Variants in HNRNPDL observed in about 807,000 individuals in gnomAD.
HNRNPDL encodes heterogeneous nuclear ribonucleoprotein D like, also known as heterogeneous nuclear ribonucleoprotein D-like.
In HNRNPDL, 18 loss-of-function variants were observed where a neutral mutation model predicts 48.0. The ratio of observed to expected loss-of-function variants is 0.38; its 90% CI spans 0.26 to 0.56. HNRNPDL has a LOEUF of 0.56. HNRNPDL is among the 20% of genes least tolerant of loss of function. The probability of loss-of-function intolerance (pLI) is 0.77; values close to 1 mark genes in which losing one functional copy is unlikely to be tolerated. For missense variants in HNRNPDL, 553 were observed against 540.7 expected (o/e 1.02, Z -0.23); for synonymous variants, 306 against 207.3 (o/e 1.48, Z -4.09).
At chr4:82,427,060 AAGCTGAAC>A in intron 5 of HNRNPDL, 122 bp downstream of exon 5, 1 of 761,530 alleles carries the variant, frequency 1.3e-6, no homozygotes, top group Non-Finnish European at 2.3e-6. Context: ...AACCTCCACT[AAGCTGAAC>A]AGTCCCCCCT....
At position 82,429,350 on chromosome 4, in the gene HNRNPDL, G is replaced by T. The variant is rs376898265; in HGVS notation, c.341C>A (p.Ala114Asp). 3.1e-6 allele frequency: 5 copies of T among 1,613,678 alleles called. No individual in the cohort carries two copies. In the East Asian group the frequency reaches 8.9e-5, roughly 29 times the overall value. ...ATCCTCCATAGTGACGGAGCTGTCG[G>T]CAGGGGGGTGCTGGCGCGCAGTCCG... Reference protein sequence around the residue: ...ATRTARQHPPADSSVTMEDMN... With the variant: ...ATRTARQHPPDDSSVTMEDMN... Residue 114 changes from alanine (A) to aspartate (D), a missense_variant, in exon 1 of 8, where the codon GCC becomes GAC. Coordinates refer to ENST00000295470, the MANE Select transcript of HNRNPDL (RefSeq NM_031372.4).
rs991875367 is a variant in HNRNPDL at position 82,429,929 on chromosome 4, C to T, written c.-239G>A. The T allele has an allele frequency of 2.0e-5, 7 of 343,420 alleles. No individual in the cohort carries two copies. The highest frequency in any genetic ancestry group is 7.3e-4 in the Middle Eastern group (1 of 1,376). 21.3% of individuals were successfully genotyped at this position (343,420 alleles called of 1,614,324 possible). On this transcript the variant is annotated 5_prime_UTR_variant, in exon 1 of 8. Transcript: ENST00000295470. ...TTTTTCTGCCCTCGGTTCGCCAGTG[C>T]GGAGCCGCTGCGGCGGCCGCTGCTA...
In HNRNPDL at chr4:82,429,427, G is replaced by A; in HGVS notation, c.264C>T (p.Arg88=). 4 of 1,612,624 alleles carry A rather than the reference G, an allele frequency of 2.5e-6. No homozygotes were observed. Among genetic ancestry groups the A allele is most frequent in the Non-Finnish European group, 3.4e-6 (4 of 1,179,520 alleles). The change falls in exon 1 of 8, where the codon CGC becomes CGT. Residue 88 remains arginine, a synonymous_variant. Coordinates refer to ENST00000295470, the MANE Select transcript of HNRNPDL (RefSeq NM_031372.4). The part of the protein sequence containing the change: ...GRRRRPDLFR[R]HFKSSSIQRS... Reference sequence around the variant, plus strand: ...GTTGTATGGAGCTGGATTTAAAATGGCGGCGGAAGAGATCCGGGCGCCGCC... The same window carrying A: ...GTTGTATGGAGCTGGATTTAAAATGACGGCGGAAGAGATCCGGGCGCCGCC...
chr4:82,428,457 A>G lies in HNRNPDL; in HGVS notation c.444-11T>C. On this transcript the variant is annotated splice_polypyrimidine_tract_variant and intron_variant, in intron 1 of 7. Transcript: ENST00000295470. Reference sequence around the variant, plus strand: ...CCAATAAACATTTTACTAGAAATAAAAGTGTTTTTAAAAAAAATTAACAAT... The same window carrying G: ...CCAATAAACATTTTACTAGAAATAAGAGTGTTTTTAAAAAAAATTAACAAT... 1 of 1,571,654 alleles carries G rather than the reference A, an allele frequency of 6.4e-7. No homozygotes were observed. The highest frequency in any genetic ancestry group is 8.7e-7 in the Non-Finnish European group (1 of 1,155,150).
intron 2 of HNRNPDL, 47 bp downstream of exon 2, chr4:82,428,231 T>C (rs377138609): frequency 7.5e-5 from 121 of 1,606,908 alleles, no homozygotes; most frequent in Non-Finnish European, 1.0e-4. Context: ...CCCAGAAAAA[T>C]TTGCAAAACA....
rs564594694 is a variant in HNRNPDL, at chr4:82,427,834, T to C, written c.774+184A>G. Among the ~76,000 whole-genome samples, 49 of 152,372 alleles carry C rather than the reference T, an allele frequency of 3.2e-4. 1 individual carries two copies. Among genetic ancestry groups the C allele is most frequent in the African/African-American group, 1.0e-3 (43 of 41,590 alleles). On this transcript the variant is annotated intron_variant, in intron 3 of 7. Coordinates refer to ENST00000295470, the MANE Select transcript of HNRNPDL (RefSeq NM_031372.4). Reference sequence around the variant, plus strand: ...CACATTTAAGTGCCCATGTTTTAGCTAAATTAGATAGTTGGGTTTCCATCA... The same window carrying C: ...CACATTTAAGTGCCCATGTTTTAGCCAAATTAGATAGTTGGGTTTCCATCA...
At chr4:82,426,868 G>A (rs1721432575) in intron 5 of HNRNPDL, among the ~76,000 whole-genome samples, 1 of 152,112 alleles carries the variant, frequency 6.6e-6, no homozygotes, top group Admixed American at 6.5e-5. Context: ...TTCCATTAAA[G>A]CCGAAGACAG....
rs1210768968 is a variant in HNRNPDL at position 82,426,597 on chromosome 4, T to C, written c.1058A>G (p.Tyr353Cys). ...GTAATTTCCATATCCTTGATCATAA[T>C]AGTTATTAAATCCTTGGTTCCAGTT... ...GQNWNQGFNN[Y>C]YDQGYGNYNS... The change falls in exon 6 of 8, where the codon TAT becomes TGT. Residue 353 changes from tyrosine (Y) to cysteine (C), a missense_variant. By Grantham distance (194) the Tyr-to-Cys change is radical (BLOSUM62 -2). Around this residue, in one of 4 missense-constraint regions of HNRNPDL, gnomAD observed 174 missense variants for 204.6 expected, o/e 0.85. Transcript: ENST00000295470. 5.0e-6 allele frequency: 8 copies of C among 1,613,892 alleles called. No homozygotes were observed. Among genetic ancestry groups the C allele is most frequent in the Admixed American group, 3.3e-5 (2 of 60,028 alleles).
Position 82,429,735 on chromosome 4 carries a change from G to A in HNRNPDL, c.-45C>T, listed in dbSNP as rs1578087493. 3.9e-6 allele frequency: 5 copies of A among 1,293,262 alleles called. No individual in the cohort carries two copies. The highest frequency in any genetic ancestry group is 6.2e-5 in the East Asian group (2 of 32,372). The allele number at this position is 1,293,262 out of a possible 1,614,324, so 80.1% of individuals were successfully genotyped here. A position where few individuals can be genotyped will look rare whatever the true frequency, so the allele number is the denominator to read the frequency against. ...AGAGAGGCCACGCGTGAGGGGACGC[G>A]GGCTTGGGAGAAGAGAAGAATCAGA... is the stretch of plus-strand genomic sequence containing the variant. On this transcript the variant is annotated 5_prime_UTR_variant, in exon 1 of 8. Transcript: ENST00000295470.
intron 3 of HNRNPDL, 91 bp downstream of exon 3, chr4:82,427,927 A>G (rs1040931067): frequency 8.0e-7 from 1 of 1,250,274 alleles, no homozygotes; most frequent in African/African-American, 1.5e-5. Flanking sequence ...CTACTCTTAC[A>G]GGAAACATGA....
intron 1 of HNRNPDL, among the ~76,000 whole-genome samples, chr4:82,428,959 C>A (rs964412442): frequency 5.3e-5 from 8 of 152,342 alleles, no homozygotes; most frequent in Admixed American, 2.0e-4. Context: ...GCGTGCAGCG[C>A]TGGGAGGCCG....
Position 82,423,704 on chromosome 4 carries a change from T to C in HNRNPDL, c.*1202A>G, listed in dbSNP as rs571977411. The C allele has an allele frequency of 3.3e-5, 5 of 152,344 alleles. No homozygotes were observed. The South Asian group carries it at 1.0e-3, about 32-fold the overall frequency. 9.4% of individuals were successfully genotyped at this position (152,344 alleles called of 1,614,324 possible). A position where few individuals can be genotyped will look rare whatever the true frequency, so the allele number is the denominator to read the frequency against. Reference sequence around the variant, plus strand: ...ATGCAAAATCCAAAGCTTTTTATTATTCCAGGTCCTCTGAAACCTGGATAT... The same window carrying C: ...ATGCAAAATCCAAAGCTTTTTATTACTCCAGGTCCTCTGAAACCTGGATAT... On this transcript the variant is annotated 3_prime_UTR_variant, in exon 8 of 8. Coordinates refer to ENST00000295470, the MANE Select transcript of HNRNPDL (RefSeq NM_031372.4).
intron 1 of HNRNPDL, among the ~76,000 whole-genome samples, 181 bp downstream of exon 1, chr4:82,429,067 C>T (rs1194175433): frequency 6.6e-6 from 1 of 152,134 alleles, no homozygotes; most frequent in Non-Finnish European, 1.5e-5. Flanking sequence ...CCACTCTTCC[C>T]GGGTCTCTCC....
At position 82,427,622 on chromosome 4, in the gene HNRNPDL, G is replaced by A. The variant is rs1395093454; in HGVS notation, c.775-58C>T. The A allele has an allele frequency of 2.6e-6, 4 of 1,537,510 alleles. No homozygotes were observed. The Admixed American group carries it at 7.5e-5, about 29-fold the overall frequency. On this transcript the variant is annotated intron_variant, in intron 3 of 7. Coordinates refer to ENST00000295470, the MANE Select transcript of HNRNPDL (RefSeq NM_031372.4). ...ATAATTGTAAAACGTTACAGTGTCAGAATGCCAAAGGCCTTTTCAGGCTTC... is the reference window on the plus strand; with the variant it reads ...ATAATTGTAAAACGTTACAGTGTCAAAATGCCAAAGGCCTTTTCAGGCTTC...
Position 82,424,636 on chromosome 4 carries a change from G to A in HNRNPDL, c.*270C>T, listed in dbSNP as rs1245335089. On this transcript the variant is annotated 3_prime_UTR_variant, in exon 8 of 8. Transcript: ENST00000295470. Reference sequence around the variant, plus strand: ...CTGACGCAGAAAAGCAATCACATAAGGAAGCATTTATTTGAGGTTTAACAT... The same window carrying A: ...CTGACGCAGAAAAGCAATCACATAAAGAAGCATTTATTTGAGGTTTAACAT... 3 of 152,508 alleles carry A rather than the reference G, an allele frequency of 2.0e-5. No individual in the cohort carries two copies. The highest frequency in any genetic ancestry group is 7.2e-5 in the African/African-American group (3 of 41,396). 9.4% of individuals were successfully genotyped at this position (152,508 alleles called of 1,614,324 possible).
rs1195654159 is a variant in HNRNPDL, at chr4:82,429,588, G to C, written c.103C>G (p.Pro35Ala). 2 of 1,378,926 alleles carry C rather than the reference G, an allele frequency of 1.5e-6. No individual in the cohort carries two copies. The highest frequency in any genetic ancestry group is 3.0e-5 in the East Asian group (1 of 33,230). 85.4% of individuals were successfully genotyped at this position (1,378,926 alleles called of 1,614,324 possible). A position where few individuals can be genotyped will look rare whatever the true frequency, so the allele number is the denominator to read the frequency against. Residue 35 changes from proline (P) to alanine (A), a missense_variant, in exon 1 of 8, where the codon CCG becomes GCG. Coordinates refer to ENST00000295470, the MANE Select transcript of HNRNPDL (RefSeq NM_031372.4). ...GGGAGGAGCGGGGCTAGCTGCCGCG[G>C]CGGCCGCGGCCGCCAATGGGAGAGG... ...RSLSHWRPRPPRQLAPLLPSL... is the reference protein window; with the variant it reads ...RSLSHWRPRPARQLAPLLPSL...
At position 82,423,476 on chromosome 4, in the gene HNRNPDL, G is replaced by C. The variant is rs1022724526; in HGVS notation, c.*1430C>G. On this transcript the variant is annotated 3_prime_UTR_variant, in exon 8 of 8. Transcript: ENST00000295470. ...AAAAAGAGGCCAAGAGCATTATAAT[G>C]TGATAGCCCAGGAAGTAGAATCATT... 6.6e-6 allele frequency: 1 copy of C among 152,010 alleles called. No individual in the cohort carries two copies. Among genetic ancestry groups the C allele is most frequent in the African/African-American group, 2.4e-5 (1 of 41,348 alleles). The allele number at this position is 152,010 out of a possible 1,614,324, so 9.4% of individuals were successfully genotyped here.
intron 7 of HNRNPDL, chr4:82,425,124 G>T (rs1269786638): frequency 6.6e-6 from 1 of 152,050 alleles, no homozygotes; most frequent in Admixed American, 6.5e-5. Context: ...CATATTCAGA[G>T]GTTCAACTAT....
rs987789398 is a variant in HNRNPDL, at chr4:82,424,597, G to C, written c.*309C>G. 13 of 152,566 alleles carry C rather than the reference G, an allele frequency of 8.5e-5. No individual in the cohort carries two copies. The highest frequency in any genetic ancestry group is 7.2e-4 in the Admixed American group (11 of 15,262). The allele number at this position is 152,566 out of a possible 1,614,324, so 9.5% of individuals were successfully genotyped here. A position where few individuals can be genotyped will look rare whatever the true frequency, so the allele number is the denominator to read the frequency against. On this transcript the variant is annotated 3_prime_UTR_variant, in exon 8 of 8. Coordinates refer to ENST00000295470, the MANE Select transcript of HNRNPDL (RefSeq NM_031372.4). Reference sequence around the variant, plus strand: ...CTTATTTTAAATTACATTTTTTACAGAGCTATGTAGTACCTGACGCAGAAA... The same window carrying C: ...CTTATTTTAAATTACATTTTTTACACAGCTATGTAGTACCTGACGCAGAAA...
Sources: gnomAD v4.1 joint callset for allele counts (sites outside exome capture counted in the v4.1 genomes callset) on GRCh38, gnomAD v4.1.1 for gene constraint, gnomAD v4.1.1 regional missense constraint, MANE v1.5 for transcripts, NCBI Gene and HGNC (gene_info 2026-07-23, HGNC 2026-07-21) for gene names.